Variants in CPQ observed in about 807,000 individuals in gnomAD.
CPQ encodes the protein carboxypeptidase Q.
CPQ carries 37 observed loss-of-function variants against 45.7 expected under a neutral mutation model. The ratio of observed to expected loss-of-function variants is 0.81; its 90% CI spans 0.62 to 1.07. The LOEUF (loss-of-function observed/expected upper bound fraction) is 1.07. Ranked by LOEUF, CPQ falls within the 50% of genes least tolerant of loss-of-function variation. The probability of loss-of-function intolerance (pLI) is 0.00; values close to 1 mark genes in which losing one functional copy is unlikely to be tolerated. For synonymous variants in CPQ, 186 were observed against 205.8 expected (o/e 0.90, Z 0.82); for missense variants, 537 against 572.9 (o/e 0.94, Z 0.64).
At chr8:96,834,930 G>A (rs746662942) in intron 2 of CPQ, 43 bp from the exon 3 acceptor site, 17 of 1,569,964 alleles carry the variant, frequency 1.1e-5, no homozygotes, top group Admixed American at 8.6e-5. Context: ...CAACCCAGCT[G>A]ATGGGAAACT....
At chr8:96,808,233 C>T (rs761585939) in intron 2 of CPQ, among the ~76,000 whole-genome samples, 7 of 151,912 alleles carry the variant, frequency 4.6e-5, no homozygotes, top group Admixed American at 6.6e-5. Flanking sequence ...GGAAAAGTTC[C>T]CTTTAAAATA....
intron 7 of CPQ, among the ~76,000 whole-genome samples, chr8:97,086,603 A>G (rs559434358): frequency 5.3e-5 from 8 of 152,258 alleles, no homozygotes; most frequent in African/African-American, 1.9e-4. Flanking sequence ...GTGCAGCCTG[A>G]TTCACCAAAG....
chr8:96,786,516 T>C (rs1220358596), intron 2 of CPQ, among the ~76,000 whole-genome samples: 1 of 152,184 alleles, frequency 6.6e-6, no homozygotes, highest in African/African-American at 2.4e-5. Context: ...TGTGAACATT[T>C]GTTTTCATTT....
intron 1 of CPQ, among the ~76,000 whole-genome samples, chr8:96,712,173 C>T (rs1490534295): frequency 6.6e-6 from 1 of 152,212 alleles, no homozygotes; most frequent in Non-Finnish European, 1.5e-5. Flanking sequence ...AGAAGGTGGA[C>T]ATCCATGGTC....
intron 4 of CPQ, among the ~76,000 whole-genome samples, chr8:96,933,907 T>C (rs1813010357): frequency 6.6e-6 from 1 of 152,212 alleles, no homozygotes; most frequent in Admixed American, 6.5e-5. Flanking sequence ...ACTTGGCTTC[T>C]CTGTGCCTCA....
At chr8:96,862,501 A>G (rs1323878567) in intron 3 of CPQ, among the ~76,000 whole-genome samples, 1 of 152,036 alleles carries the variant, frequency 6.6e-6, no homozygotes, top group Non-Finnish European at 1.5e-5. Context: ...GGTGATCTTA[A>G]GGAGCTAGTT....
intron 1 of CPQ, among the ~76,000 whole-genome samples, chr8:96,719,562 C>T (rs1419783936): frequency 6.6e-6 from 1 of 152,188 alleles, no homozygotes. Context: ...AAGGGCTCCT[C>T]AAGTGCCGCC....
intron 1 of CPQ, among the ~76,000 whole-genome samples, chr8:96,704,104 C>T (rs1809502113): frequency 1.3e-5 from 2 of 152,214 alleles, no homozygotes; most frequent in South Asian, 4.1e-4. Flanking sequence ...AAGACAAAGC[C>T]CCTACCCTTT....
At chr8:96,903,497 T>C (rs567523057) in intron 4 of CPQ, among the ~76,000 whole-genome samples, 3 of 152,206 alleles carry the variant, frequency 2.0e-5, no homozygotes, top group Non-Finnish European at 2.9e-5. Flanking sequence ...ATCAGGCTGA[T>C]TTTAAGTCAG....
At chr8:97,138,856 A>G (rs901249932) in intron 7 of CPQ, among the ~76,000 whole-genome samples, 1 of 152,178 alleles carries the variant, frequency 6.6e-6, no homozygotes, top group Non-Finnish European at 1.5e-5. Flanking sequence ...CTCCACTGAC[A>G]GAATTGAAAT....
At position 96,970,297 on chromosome 8, in the gene CPQ, C is replaced by G. The variant is rs547115442; in HGVS notation, c.961+4251C>G. Among the ~76,000 whole-genome samples, 7 of 152,306 alleles carry G rather than the reference C, an allele frequency of 4.6e-5. No individual in the cohort carries two copies. In the South Asian group the frequency reaches 1.5e-3, roughly 32 times the overall value. ...ATCTCCTTTGGAAAGGACCTCCCCA[C>G]TGGGTTTAGCCATACCGCTGGGTAT... On this transcript the variant is annotated intron_variant, in intron 5 of 7. Transcript: ENST00000220763.
chr8:97,139,521 T>C (rs1382105113), intron 7 of CPQ, among the ~76,000 whole-genome samples: 1 of 151,996 alleles, frequency 6.6e-6, no homozygotes, highest in Non-Finnish European at 1.5e-5. Context: ...ATCAACAAAA[T>C]TCAAAGAATC....
At position 97,034,427 on chromosome 8, in the gene CPQ, T is replaced by G. The variant is rs530320167; in HGVS notation, c.1053+4933T>G. 5.3e-4 allele frequency among the ~76,000 whole-genome samples: 80 copies of G among 152,320 alleles called. 2 individuals carry two copies. The South Asian group carries it at 0.016, about 31-fold the overall frequency. On this transcript the variant is annotated intron_variant, in intron 6 of 7. Transcript: ENST00000220763. ...TTTTCTCTCCTTATTTTAAAGTCCT[T>G]TTCACCATGTCTTTGATTGTCTTGG...
chr8:97,078,781 C>CTCTT (rs1810895305), intron 7 of CPQ, among the ~76,000 whole-genome samples: 1 of 149,554 alleles, frequency 6.7e-6, no homozygotes, highest in South Asian at 2.2e-4. Flanking sequence ...CTCTCTCTCT[C>CTCTT]TCTCTCTCTC....
At position 96,971,674 on chromosome 8, in the gene CPQ, G is replaced by A. The variant is rs117853945; in HGVS notation, c.961+5628G>A. Reference sequence around the variant, plus strand: ...ATCTGCTTGTGAAGCTGTCCAGTCTGAAGCTGTGTTTTAAGTCTTAAATAT... The same window carrying A: ...ATCTGCTTGTGAAGCTGTCCAGTCTAAAGCTGTGTTTTAAGTCTTAAATAT... On this transcript the variant is annotated intron_variant, in intron 5 of 7. Coordinates refer to ENST00000220763, the MANE Select transcript of CPQ (RefSeq NM_016134.4). Among the ~76,000 whole-genome samples the A allele has an allele frequency of 7.9e-3, 1,205 of 152,250 alleles. 9 individuals are homozygous for A. The highest frequency in any genetic ancestry group is 0.01 in the Non-Finnish European group (712 of 68,010).
intron 2 of CPQ, among the ~76,000 whole-genome samples, chr8:96,788,064 TTTTTC>T (rs1051235980): frequency 6.7e-6 from 1 of 150,024 alleles, no homozygotes; most frequent in African/African-American, 2.5e-5. Flanking sequence ...TTCTTTTCTT[TTTTTC>T]TTTTCTTTCT....
chr8:96,850,729 C>T (rs1272486033), intron 3 of CPQ, among the ~76,000 whole-genome samples: 1 of 151,976 alleles, frequency 6.6e-6, no homozygotes, highest in Non-Finnish European at 1.5e-5. Context: ...CCTGCCTCAA[C>T]CTCCCTAGTA....
chr8:96,692,290 A>G (rs771808214), intron 1 of CPQ, among the ~76,000 whole-genome samples: 1 of 152,098 alleles, frequency 6.6e-6, no homozygotes, highest in Admixed American at 6.6e-5. Flanking sequence ...AACTATTGTG[A>G]ATAAAGTTGT....
chr8:97,076,324 A>T (rs1810846413), intron 7 of CPQ, among the ~76,000 whole-genome samples: 1 of 151,920 alleles, frequency 6.6e-6, no homozygotes, highest in Non-Finnish European at 1.5e-5. Flanking sequence ...GAGCCCTGCC[A>T]AGGACTCATT....
Sources: gnomAD v4.1 joint callset for allele counts (sites outside exome capture counted in the v4.1 genomes callset) on GRCh38, gnomAD v4.1.1 for gene constraint, MANE v1.5 for transcripts, NCBI Gene and HGNC (gene_info 2026-07-23, HGNC 2026-07-21) for gene names.